The following CDKAL1 variants were observed in gnomAD, a reference collection of about 807,000 sequenced individuals.
The protein encoded by CDKAL1 is threonylcarbamoyladenosine tRNA methylthiotransferase.
CDKAL1 carries 32 observed loss-of-function variants against 68.2 expected under a neutral mutation model. The observed-to-expected ratio is 0.47, with a 90% CI of 0.35 to 0.63. The LOEUF (loss-of-function observed/expected upper bound fraction) is 0.63, where lower values mean the gene tolerates loss of function less well. CDKAL1 is among the 30% of genes least tolerant of loss of function. The pLI is 0.00. For synonymous variants in CDKAL1, 234 were observed against 244.3 expected, an observed-to-expected ratio of 0.96 and a Z score of 0.39; for missense variants, 606 against 696.7, an observed-to-expected ratio of 0.87 and a Z score of 1.47.
chr6:20,619,740 CT>C (rs759525865), intron 4 of CDKAL1, among the ~76,000 whole-genome samples: 20 of 152,176 alleles, frequency 1.3e-4, no homozygotes, highest in Non-Finnish European at 2.6e-4. Context: ...ACATATTTGA[CT>C]GGTTAGGTCT....
Position 20,980,232 on chromosome 6 carries a change from G to T in CDKAL1, c.910-19995G>T, listed in dbSNP as rs199812677. Among the ~76,000 whole-genome samples the T allele has an allele frequency of 5.1e-5, 6 of 118,416 alleles. No individual in the cohort carries two copies. The East Asian group carries it at 7.1e-4, about 14-fold the overall frequency. The allele number at this position is 118,416 out of a possible 152,430, so 77.7% of individuals were successfully genotyped here. A position where few individuals can be genotyped will look rare whatever the true frequency, so the allele number is the denominator to read the frequency against. ...AGATATAGATATAGATATAGATATA[G>T]ATATATAGATATAGATTTTTTTTGA... On this transcript the variant is annotated intron_variant, in intron 10 of 15. Coordinates refer to ENST00000274695, the MANE Select transcript of CDKAL1 (RefSeq NM_017774.3).
At position 20,535,406 on chromosome 6, in the gene CDKAL1, T is replaced by C. The variant is rs1763128241; in HGVS notation, c.-6+12T>C. 1 of 152,392 alleles carries C rather than the reference T, an allele frequency of 6.6e-6. No individual in the cohort carries two copies. Among genetic ancestry groups the C allele is most frequent in the Admixed American group, 6.5e-5 (1 of 15,278 alleles). 9.4% of individuals were successfully genotyped at this position (152,392 alleles called of 1,614,324 possible). On this transcript the variant is annotated intron_variant, in intron 2 of 15. Coordinates refer to ENST00000274695, the MANE Select transcript of CDKAL1 (RefSeq NM_017774.3). ...TGCAGATAATTAAGGTACTGATTTA[T>C]TTTAAACCTTTTATGTTTGAGTGCT...
intron 9 of CDKAL1, among the ~76,000 whole-genome samples, chr6:20,875,026 G>C (rs901561796): frequency 6.6e-6 from 1 of 151,886 alleles, no homozygotes; most frequent in Non-Finnish European, 1.5e-5. Flanking sequence ...GCAGGCCGGC[G>C]CGGTGGCTCA....
intron 13 of CDKAL1, among the ~76,000 whole-genome samples, chr6:21,166,136 G>A (rs959706440): frequency 2.0e-5 from 3 of 152,184 alleles, no homozygotes; most frequent in Non-Finnish European, 4.4e-5. Flanking sequence ...CATTCATATT[G>A]TTAGGAGTTG....
At chr6:20,613,978 A>G (rs1274419505) in intron 4 of CDKAL1, among the ~76,000 whole-genome samples, 2 of 139,448 alleles carry the variant, frequency 1.4e-5, no homozygotes, top group African/African-American at 4.9e-5. Flanking sequence ...AGTTCTATGT[A>G]TCATGAGTTT....
intron 6 of CDKAL1, among the ~76,000 whole-genome samples, chr6:20,748,983 A>G (rs940735274): frequency 1.3e-5 from 2 of 150,782 alleles, no homozygotes; most frequent in South Asian, 2.1e-4. Flanking sequence ...ATGTGTATAT[A>G]TATGTATGTG....
intron 13 of CDKAL1, among the ~76,000 whole-genome samples, chr6:21,152,763 A>C (rs1163773400): frequency 6.6e-6 from 1 of 152,216 alleles, no homozygotes; most frequent in African/African-American, 2.4e-5. Flanking sequence ...AAACTGAATT[A>C]CTTTTTGTCT....
chr6:20,578,418 T>C (rs1765002441), intron 4 of CDKAL1, among the ~76,000 whole-genome samples: 1 of 152,214 alleles, frequency 6.6e-6, no homozygotes, highest in Non-Finnish European at 1.5e-5. Context: ...GTCATATGAA[T>C]GGACTCATAG....
At chr6:20,786,941 CT>C (rs377531389) in intron 8 of CDKAL1, among the ~76,000 whole-genome samples, 76 of 152,188 alleles carry the variant, frequency 5.0e-4, no homozygotes, top group South Asian at 2.1e-3. Flanking sequence ...GAAAGTCATC[CT>C]TTTTGACAGT....
At chr6:20,614,681 GA>G (rs1253816577) in intron 4 of CDKAL1, among the ~76,000 whole-genome samples, 1 of 152,130 alleles carries the variant, frequency 6.6e-6, no homozygotes. Context: ...TTTTGCTGAA[GA>G]ATTTTAAAGC....
chr6:20,905,952 G>A (rs982679201), intron 9 of CDKAL1, among the ~76,000 whole-genome samples: 1 of 152,140 alleles, frequency 6.6e-6, no homozygotes, highest in African/African-American at 2.4e-5. Flanking sequence ...AAATACCAAA[G>A]AGAGTCCTGC....
At chr6:21,158,748 A>G (rs937946351) in intron 13 of CDKAL1, among the ~76,000 whole-genome samples, 4 of 152,240 alleles carry the variant, frequency 2.6e-5, no homozygotes, top group Non-Finnish European at 5.9e-5. Context: ...TCACTGACAA[A>G]TATGTATTCT....
intron 7 of CDKAL1, among the ~76,000 whole-genome samples, chr6:20,764,900 A>T (rs1475030936): frequency 1.3e-5 from 2 of 152,160 alleles, no homozygotes; most frequent in African/African-American, 2.4e-5. Context: ...TATAGTCTGA[A>T]TGTAGTGGGA....
chr6:21,066,940 T>A (rs1219635103), intron 12 of CDKAL1, among the ~76,000 whole-genome samples: 4 of 152,176 alleles, frequency 2.6e-5, no homozygotes, highest in Non-Finnish European at 4.4e-5. Context: ...CTTCTTACCC[T>A]TTTTTGTAAT....
chr6:20,957,309 T>G (rs1004738219), intron 10 of CDKAL1, among the ~76,000 whole-genome samples: 4 of 152,188 alleles, frequency 2.6e-5, no homozygotes, highest in African/African-American at 9.7e-5. Flanking sequence ...CAAATACTCC[T>G]TGGAATAAAT....
At chr6:20,801,571 A>G (rs984454126) in intron 8 of CDKAL1, among the ~76,000 whole-genome samples, 2 of 152,194 alleles carry the variant, frequency 1.3e-5, no homozygotes, top group African/African-American at 4.8e-5. Flanking sequence ...CAGACGTGAC[A>G]TTATAGACAT....
At chr6:21,230,632 C>T (rs1471193889) in intron 15 of CDKAL1, among the ~76,000 whole-genome samples, 1 of 152,066 alleles carries the variant, frequency 6.6e-6, no homozygotes, top group East Asian at 1.9e-4. Context: ...TATGTGTAGT[C>T]TGGAGTCATG....
At chr6:20,534,768 G>T (rs530534468) in intron 1 of CDKAL1, among the ~76,000 whole-genome samples, 194 bp downstream of exon 1, 1 of 152,296 alleles carries the variant, frequency 6.6e-6, no homozygotes, top group Admixed American at 6.5e-5. Context: ...AGGGTCGTTG[G>T]CCTCAGGTGC....
chr6:21,178,974 A>T (rs555018497), intron 13 of CDKAL1, among the ~76,000 whole-genome samples: 1 of 152,388 alleles, frequency 6.6e-6, no homozygotes, highest in Admixed American at 6.5e-5. Context: ...ACTGAAAAAC[A>T]AAATCTCAAC....
Sources: gnomAD v4.1 joint callset for allele counts (sites outside exome capture counted in the v4.1 genomes callset) on GRCh38, gnomAD v4.1.1 for gene constraint, MANE v1.5 for transcripts, NCBI Gene and HGNC (gene_info 2026-07-23, HGNC 2026-07-21) for gene names.